Variants in NOSTRIN observed in about 807,000 individuals in gnomAD.
NOSTRIN encodes the protein BM247 homolog.
In NOSTRIN, 63 loss-of-function variants were observed where a neutral mutation model predicts 59.0. The ratio of observed to expected loss-of-function variants is 1.07; its 90% confidence interval spans 0.87 to 1.32. The LOEUF (loss-of-function observed/expected upper bound fraction) is 1.32. NOSTRIN is among the 40% of genes most tolerant of loss of function. NOSTRIN has a pLI of 0.00. For missense variants in NOSTRIN, 512 were observed against 473.1 expected (o/e 1.08, Z -0.76); for synonymous variants, 200 against 165.4 (o/e 1.21, Z -1.61).
intron 3 of NOSTRIN, 128 bp downstream of exon 3, chr2:168,824,845 C>T (rs1686969592): frequency 3.2e-6 from 2 of 616,342 alleles, no homozygotes; most frequent in African/African-American, 3.7e-5. Flanking sequence ...GGCACAATCA[C>T]AGCTCACTGC....
chr2:168,851,882 A>C (rs1306614518), intron 10 of NOSTRIN, among the ~76,000 whole-genome samples: 1 of 152,004 alleles, frequency 6.6e-6, no homozygotes, highest in Non-Finnish European at 1.5e-5. Flanking sequence ...GGCTGCAATC[A>C]AGGTATCAGG....
chr2:168,826,204 T>C (rs1264238017), intron 3 of NOSTRIN, among the ~76,000 whole-genome samples: 7 of 126,548 alleles, frequency 5.5e-5, no homozygotes, highest in African/African-American at 2.1e-4. Context: ...TTGATTCGAA[T>C]TGCCTCCTAA....
chr2:168,828,236 C>T lies in NOSTRIN; in HGVS notation c.260+16C>T. ...ACCTGCATCAGTGAGTTCTCCCACC[C>T]TGGCCTTTCTCCAACTCCAAAGGGA... On this transcript the variant is annotated intron_variant, in intron 4 of 15. Transcript: ENST00000317647. 1 of 872,944 alleles carries T rather than the reference C, an allele frequency of 1.1e-6. No homozygotes were observed. Among genetic ancestry groups the T allele is most frequent in the Non-Finnish European group, 2.0e-6 (1 of 501,656 alleles). 54.1% of individuals were successfully genotyped at this position (872,944 alleles called of 1,614,324 possible).
At chr2:168,850,389 A>G (rs1237386491) in intron 8 of NOSTRIN, among the ~76,000 whole-genome samples, 3 of 152,192 alleles carry the variant, frequency 2.0e-5, no homozygotes, top group African/African-American at 7.2e-5. Flanking sequence ...TTTTAGGCAG[A>G]ATTATAAATT....
chr2:168,839,917 ATATATGTGTGTG>A (rs1351143626), intron 7 of NOSTRIN, among the ~76,000 whole-genome samples: 9 of 93,260 alleles, frequency 9.7e-5, no homozygotes, highest in African/African-American at 3.5e-4. Context: ...ATATATATAT[ATATATGTGTGTG>A]TGTGTGTGTG....
intron 2 of NOSTRIN, among the ~76,000 whole-genome samples, chr2:168,820,778 C>A (rs186110121): frequency 2.6e-5 from 4 of 151,068 alleles, no homozygotes; most frequent in Admixed American, 2.6e-4. Flanking sequence ...TTCATACCAC[C>A]AAAGCCCAAC....
intron 7 of NOSTRIN, among the ~76,000 whole-genome samples, chr2:168,840,704 C>A (rs189287947): frequency 7.7e-4 from 117 of 152,174 alleles, no homozygotes; most frequent in African/African-American, 2.7e-3. Context: ...TCAAAATGCC[C>A]TTAAATAGAG....
At chr2:168,854,910 T>A (rs1357180538) in intron 10 of NOSTRIN, among the ~76,000 whole-genome samples, 2 of 152,214 alleles carry the variant, frequency 1.3e-5, no homozygotes, top group African/African-American at 4.8e-5. Context: ...TTCCCAGTAC[T>A]GAGCCAACAC....
chr2:168,793,516 C>T (rs1441362202), upstream of NOSTRIN, among the ~76,000 whole-genome samples: 1 of 152,010 alleles, frequency 6.6e-6, no homozygotes, highest in East Asian at 1.9e-4. Flanking sequence ...AAGGCTGAGG[C>T]GGGAAGATTG....
chr2:168,828,178 C>A lies in NOSTRIN; in HGVS notation c.218C>A (p.Ala73Asp). 1 of 872,892 alleles carries A rather than the reference C, an allele frequency of 1.1e-6. No homozygotes were observed. Among genetic ancestry groups the A allele is most frequent in the South Asian group, 1.3e-5 (1 of 76,544 alleles). 54.1% of individuals were successfully genotyped at this position (872,892 alleles called of 1,614,324 possible). A position where few individuals can be genotyped will look rare whatever the true frequency, so the allele number is the denominator to read the frequency against. ...TTTAGTTGTGTTAGCAGTGCCTGGG[C>A]CTGGGCCTCAGAGGGAATGAAATCC... The part of the protein sequence containing the change: ...TRKSCVSSAW[A>D]WASEGMKSTA... The change falls in exon 4 of 16, where the codon GCC (alanine) becomes GAC (aspartate). Residue 73 changes from alanine to aspartate, a missense_variant. By Grantham distance (126) the Ala-to-Asp change is moderately radical (BLOSUM62 -2). Transcript: ENST00000317647.
At chr2:168,802,779 A>G (rs1685661890) in intron 1 of NOSTRIN, 106 bp downstream of exon 1, 1 of 803,028 alleles carries the variant, frequency 1.2e-6, no homozygotes, top group South Asian at 1.4e-5. Context: ...TCAGAAACCA[A>G]ACACATTTAG....
chr2:168,830,701 T>C (rs75920387), intron 5 of NOSTRIN, among the ~76,000 whole-genome samples: 1,542 of 152,334 alleles, frequency 0.01, 25 homozygotes, highest in African/African-American at 0.035. Flanking sequence ...AAGTTAATTA[T>C]GATTAAGAGT....
intron 2 of NOSTRIN, among the ~76,000 whole-genome samples, chr2:168,819,484 G>C (rs549608735): frequency 6.6e-6 from 1 of 152,184 alleles, no homozygotes; most frequent in Non-Finnish European, 1.5e-5. Flanking sequence ...ATAAAGGAGC[G>C]ATTCTCTCAG....
intron 1 of NOSTRIN, among the ~76,000 whole-genome samples, chr2:168,787,448 A>C (rs1685234229): frequency 6.6e-6 from 1 of 152,194 alleles, no homozygotes; most frequent in Non-Finnish European, 1.5e-5. Flanking sequence ...AATTTGTGTT[A>C]GAAGTTAGTC....
chr2:168,804,712 C>T (rs1685756676), intron 1 of NOSTRIN, among the ~76,000 whole-genome samples: 1 of 152,094 alleles, frequency 6.6e-6, no homozygotes, highest in Admixed American at 6.6e-5. Flanking sequence ...TAACCGGGCC[C>T]ACACCAATGT....
At chr2:168,853,359 G>C (rs1688884976) in intron 10 of NOSTRIN, among the ~76,000 whole-genome samples, 1 of 152,196 alleles carries the variant, frequency 6.6e-6, no homozygotes, top group Non-Finnish European at 1.5e-5. Context: ...AACTTGGAGG[G>C]CTTGGTGACC....
intron 2 of NOSTRIN, among the ~76,000 whole-genome samples, chr2:168,789,302 A>G (rs1685285983): frequency 6.6e-6 from 1 of 152,250 alleles, no homozygotes; most frequent in South Asian, 2.1e-4. Flanking sequence ...TGGGTAATGT[A>G]TAAAGGAAAG....
At position 168,855,440 on chromosome 2, in the gene NOSTRIN, A is replaced by G; in HGVS notation, c.944A>G (p.Lys315Arg). ...KLLRLQRDIE[K>R]ASKDKEGLER... ...TTGAGACTGCAGAGAGACATTGAAA[A>G]AGCCTCAAAAGACAAGGAAGGTGTG... The change falls in exon 11 of 16, where the codon AAA becomes AGA. Residue 315 changes from lysine (K) to arginine (R), a missense_variant. Physicochemically the swap from Lys to Arg is conservative, Grantham distance 26 (BLOSUM62 2). Transcript: ENST00000317647. The G allele has an allele frequency of 6.2e-7, 1 of 1,606,516 alleles. No homozygotes were observed.
At chr2:168,794,842 G>T (rs1239814642), upstream of NOSTRIN, among the ~76,000 whole-genome samples, 1 of 152,214 alleles carries the variant, frequency 6.6e-6, no homozygotes, top group African/African-American at 2.4e-5. Context: ...GGATCCTCCT[G>T]CCTCAGCCTC....
Sources: allele counts gnomAD v4.1 joint callset (sites outside exome capture counted in the v4.1 genomes callset), GRCh38; gene constraint gnomAD v4.1.1; transcripts MANE v1.5; gene names NCBI Gene and HGNC (gene_info 2026-07-23, HGNC 2026-07-21).